The following ANO2 variants were observed in gnomAD, a reference collection of about 807,000 sequenced individuals.
The protein encoded by ANO2 is anoctamin 2.
ANO2 carries 101 observed loss-of-function variants against 124.2 expected under a neutral mutation model. The observed-to-expected ratio is 0.81, with a 90% CI of 0.69 to 0.96. The LOEUF is 0.96. Among genes scored for constraint, ANO2 ranks in the 40% least tolerant of loss-of-function variants. The pLI is 0.00. For synonymous variants in ANO2, 486 were observed against 482.5 expected, an observed-to-expected ratio of 1.01 and a Z score of -0.09; for missense variants, 1,293 against 1,274.5, an observed-to-expected ratio of 1.01 and a Z score of -0.22.
chr12:5,811,322 C>T (rs1953383744), intron 7 of ANO2, among the ~76,000 whole-genome samples: 1 of 152,210 alleles, frequency 6.6e-6, no homozygotes, highest in Non-Finnish European at 1.5e-5. Flanking sequence ...TTACCCATCA[C>T]CAAATTGTCT....
rs766072700 is a variant in ANO2, at chr12:5,851,914, T to G, written c.633+2129A>C. On this transcript the variant is annotated intron_variant, in intron 4 of 24. Transcript: ENST00000682330. ...TAGGTTTCCCCTAAAAGGGTTACCC[T>G]GGGGGATGGAAATCATAACATGGGC... The G allele has an allele frequency of 5.4e-6, 4 of 736,470 alleles. No individual in the cohort carries two copies. The Admixed American group carries it at 7.3e-5, about 14-fold the overall frequency. 45.6% of individuals were successfully genotyped at this position (736,470 alleles called of 1,614,324 possible). A position where few individuals can be genotyped will look rare whatever the true frequency, so the allele number is the denominator to read the frequency against.
chr12:5,882,971 G>A (rs547793668), intron 3 of ANO2, among the ~76,000 whole-genome samples: 1 of 152,284 alleles, frequency 6.6e-6, no homozygotes, highest in South Asian at 2.1e-4. Context: ...AGCAAAGACG[G>A]CTGCTGCATG....
intron 1 of ANO2, among the ~76,000 whole-genome samples, chr12:5,935,495 C>T (rs967418069): frequency 6.6e-6 from 1 of 152,168 alleles, no homozygotes; most frequent in Non-Finnish European, 1.5e-5. Flanking sequence ...TTCTCCTCCA[C>T]CAGGCTACTG....
chr12:5,797,453 AAG>A (rs1356733838), intron 10 of ANO2, among the ~76,000 whole-genome samples: 1 of 152,142 alleles, frequency 6.6e-6, no homozygotes, highest in African/African-American at 2.4e-5. Flanking sequence ...CATTTGGTAA[AAG>A]AGTGTAAAAT....
intron 19 of ANO2, among the ~76,000 whole-genome samples, chr12:5,601,246 A>G (rs1352930712): frequency 1.3e-5 from 2 of 152,192 alleles, no homozygotes; most frequent in Admixed American, 6.5e-5. Context: ...TGTTAAGAGC[A>G]TGTACCAAGA....
chr12:5,861,784 C>A (rs1444964868), intron 3 of ANO2, among the ~76,000 whole-genome samples: 2 of 152,212 alleles, frequency 1.3e-5, no homozygotes, highest in East Asian at 1.9e-4. Flanking sequence ...AGCGCCCCCA[C>A]CACACCTGCT....
intron 20 of ANO2, among the ~76,000 whole-genome samples, chr12:5,579,485 G>A (rs1184488944): frequency 6.6e-6 from 1 of 152,152 alleles, no homozygotes; most frequent in African/African-American, 2.4e-5. Context: ...CAAAAGCATG[G>A]TGGCACAGCC....
chr12:5,628,966 C>A (rs966947), intron 16 of ANO2, among the ~76,000 whole-genome samples: 35,152 of 152,078 alleles, frequency 0.23, 5,047 homozygotes, highest in Admixed American at 0.34. Context: ...TTTCCCCATC[C>A]CTCCTTTCAC....
intron 16 of ANO2, among the ~76,000 whole-genome samples, chr12:5,623,021 TG>T (rs1252842379): frequency 6.7e-6 from 1 of 148,898 alleles, no homozygotes; most frequent in African/African-American, 2.5e-5. Flanking sequence ...AGAAATGGAA[TG>T]GAGCAAGTGT....
At chr12:5,785,441 C>T (rs908247637) in intron 10 of ANO2, among the ~76,000 whole-genome samples, 1 of 152,144 alleles carries the variant, frequency 6.6e-6, no homozygotes, top group Non-Finnish European at 1.5e-5. Flanking sequence ...TTCTTCACTG[C>T]TCACTGGTCC....
At position 5,658,286 on chromosome 12, in the gene ANO2, T is replaced by C. The variant is rs1339390741; in HGVS notation, c.1546-10485A>G. Among the ~76,000 whole-genome samples, 2 of 152,202 alleles carry C rather than the reference T, an allele frequency of 1.3e-5. No homozygotes were observed. The highest frequency in any genetic ancestry group is 6.5e-5 in the Admixed American group (1 of 15,272). On this transcript the variant is annotated intron_variant, in intron 14 of 24. Transcript: ENST00000682330. This position sits in a 1 kb window ranked among gnomAD's most constrained non-coding sequence, Gnocchi z 4.3. ...AATAGTGCCAACGGTATGAGATTGCTGCTATGGAGATGAAATGAGGTAATG... is the reference window on the plus strand; with the variant it reads ...AATAGTGCCAACGGTATGAGATTGCCGCTATGGAGATGAAATGAGGTAATG...
chr12:5,739,646 T>A (rs913986316), intron 12 of ANO2, among the ~76,000 whole-genome samples: 1 of 144,228 alleles, frequency 6.9e-6, no homozygotes, highest in Admixed American at 6.8e-5. Flanking sequence ...TTTCTCCACT[T>A]CTAAGTTATG....
At chr12:5,606,712 A>C (rs993447160) in intron 19 of ANO2, among the ~76,000 whole-genome samples, 3 of 152,212 alleles carry the variant, frequency 2.0e-5, no homozygotes, top group Non-Finnish European at 4.4e-5. Flanking sequence ...AGCCTGCTAG[A>C]TTGTAAGATT....
chr12:5,697,815 AC>A (rs1410474736), intron 14 of ANO2, among the ~76,000 whole-genome samples: 2 of 152,184 alleles, frequency 1.3e-5, no homozygotes, highest in African/African-American at 4.8e-5. Flanking sequence ...TATATCCCGC[AC>A]CTGGCTCGGA....
chr12:5,898,858 A>C (rs7309978), intron 3 of ANO2, among the ~76,000 whole-genome samples: 150,078 of 152,270 alleles, frequency 0.99, 73,975 homozygotes, highest in South Asian at 1. Context: ...AAGTTGTACA[A>C]TAAAAATTTG....
chr12:5,895,153 C>T (rs1275363084), intron 3 of ANO2, among the ~76,000 whole-genome samples: 4 of 152,094 alleles, frequency 2.6e-5, no homozygotes, highest in Non-Finnish European at 5.9e-5. Flanking sequence ...TGTTTGTGTC[C>T]TCTCTTATTT....
At chr12:5,574,270 C>T (rs1473046983) in intron 23 of ANO2, among the ~76,000 whole-genome samples, 1 of 151,974 alleles carries the variant, frequency 6.6e-6, no homozygotes, top group Non-Finnish European at 1.5e-5. Flanking sequence ...CTTCATTTGC[C>T]CTTCTTGGGT....
intron 14 of ANO2, among the ~76,000 whole-genome samples, chr12:5,716,734 T>C (rs1950039195): frequency 6.6e-6 from 1 of 152,158 alleles, no homozygotes; most frequent in Non-Finnish European, 1.5e-5. Flanking sequence ...AACACTACCA[T>C]GTCTAGCCTT....
At chr12:5,867,800 A>AAAAAAAAAAAAAAAAAT (rs1955470321) in intron 3 of ANO2, among the ~76,000 whole-genome samples, 1 of 148,788 alleles carries the variant, frequency 6.7e-6, no homozygotes, top group Admixed American at 6.7e-5. Context: ...AAAAAAAAAA[A>AAAAAAAAAAAAAAAAAT]CCAGTGGATT....
Sources: gnomAD v4.1 joint callset for allele counts (sites outside exome capture counted in the v4.1 genomes callset) on GRCh38, gnomAD v4.1.1 for gene constraint, Gnocchi (gnomAD v3.1) non-coding constraint, MANE v1.5 for transcripts, NCBI Gene and HGNC (gene_info 2026-07-23, HGNC 2026-07-21) for gene names.